Variants in SDK1 observed in about 807,000 individuals in gnomAD.
SDK1 encodes sidekick cell adhesion molecule 1.
A neutral mutation model predicts 245.5 loss-of-function variants in SDK1; 157 were observed. The ratio of observed to expected loss-of-function variants is 0.64; its 90% confidence interval spans 0.56 to 0.73. SDK1 has a LOEUF of 0.73. Among genes scored for constraint, SDK1 ranks in the 30% least tolerant of loss-of-function variants. The probability of loss-of-function intolerance (pLI) is 0.00; values close to 1 mark genes in which losing one functional copy is unlikely to be tolerated. For synonymous variants in SDK1, 1,647 were observed against 1,278.5 expected (o/e 1.29, Z -6.15); for missense variants, 3,583 against 3,002.3 (o/e 1.19, Z -4.52).
chr7:3,313,384 C>A (rs143599318), intron 1 of SDK1, among the ~76,000 whole-genome samples: 91 of 152,046 alleles, frequency 6.0e-4, no homozygotes, highest in African/African-American at 1.9e-3. Context: ...TCCAGCCTGG[C>A]GACGGAGCGA....
At chr7:3,408,138 A>G (rs1022843624) in intron 1 of SDK1, among the ~76,000 whole-genome samples, 1 of 152,124 alleles carries the variant, frequency 6.6e-6, no homozygotes, top group Non-Finnish European at 1.5e-5. Context: ...CCCAGGTTCA[A>G]GCAATTCTTG....
At chr7:3,694,685 A>G (rs1784525701) in intron 4 of SDK1, among the ~76,000 whole-genome samples, 1 of 152,090 alleles carries the variant, frequency 6.6e-6, no homozygotes, top group South Asian at 2.1e-4. Context: ...TGTTCTGGGG[A>G]ACATTTGAAA....
At chr7:3,695,289 A>G (rs915015290) in intron 4 of SDK1, among the ~76,000 whole-genome samples, 11 of 152,246 alleles carry the variant, frequency 7.2e-5, no homozygotes, top group African/African-American at 2.4e-4. Context: ...TGTCATTATA[A>G]TAGGATTTAA....
chr7:3,575,494 C>G (rs1375209098), intron 1 of SDK1, among the ~76,000 whole-genome samples: 4 of 151,932 alleles, frequency 2.6e-5, no homozygotes, highest in Admixed American at 2.6e-4. Flanking sequence ...TTTATTTAAG[C>G]TAAAAGAATG....
chr7:3,791,006 T>G (rs1781064573), intron 4 of SDK1, among the ~76,000 whole-genome samples: 1 of 152,126 alleles, frequency 6.6e-6, no homozygotes, highest in Non-Finnish European at 1.5e-5. Context: ...TTGGGCAAGT[T>G]ACTTAACCTC....
At chr7:3,476,959 G>C (rs1054287381) in intron 1 of SDK1, among the ~76,000 whole-genome samples, 2 of 152,314 alleles carry the variant, frequency 1.3e-5, no homozygotes, top group Admixed American at 6.5e-5. Flanking sequence ...GACTCTGTAG[G>C]CGTGAGGGAA....
chr7:3,354,466 A>T (rs1042315307), intron 1 of SDK1, among the ~76,000 whole-genome samples: 1 of 152,226 alleles, frequency 6.6e-6, no homozygotes, highest in Non-Finnish European at 1.5e-5. Context: ...TGATTATTCG[A>T]GAGTTTTCCG....
At chr7:3,760,911 T>C (rs150467374) in intron 4 of SDK1, among the ~76,000 whole-genome samples, 1 of 152,348 alleles carries the variant, frequency 6.6e-6, no homozygotes, top group Non-Finnish European at 1.5e-5. Flanking sequence ...AAGTATTTCA[T>C]TGTCTGGAAT....
In SDK1 at chr7:3,482,566, A is replaced by G. The variant is rs115130515; in HGVS notation, c.299-136514A>G. On this transcript the variant is annotated intron_variant, in intron 1 of 44. Coordinates refer to ENST00000404826, the MANE Select transcript of SDK1 (RefSeq NM_152744.4). ...CAAGCCTTAACTCACTGGAGTAGCA[A>G]GGAAAGCGCTTCTCTGAGAATTGAT... is the stretch of plus-strand genomic sequence containing the variant. Among the ~76,000 whole-genome samples the G allele has an allele frequency of 3.0e-3, 454 of 152,312 alleles. 1 individual carries two copies. The highest frequency in any genetic ancestry group is 0.01 in the African/African-American group (431 of 41,574).
chr7:3,382,155 G>C (rs1036634093), intron 1 of SDK1, among the ~76,000 whole-genome samples: 1 of 150,008 alleles, frequency 6.7e-6, no homozygotes, highest in Admixed American at 6.6e-5. Context: ...TTTTTGTGTA[G>C]AGACAGGGTC....
rs534264986 is a variant in SDK1, at chr7:3,854,907, T to C, written c.847+33324T>C. ...AACCTACAAAAGATGGGACGAACACTAGAGTTAGGAGACACTGAGAGCAGG... is the reference window on the plus strand; with the variant it reads ...AACCTACAAAAGATGGGACGAACACCAGAGTTAGGAGACACTGAGAGCAGG... On this transcript the variant is annotated intron_variant, in intron 5 of 44. Coordinates refer to ENST00000404826, the MANE Select transcript of SDK1 (RefSeq NM_152744.4). 5.9e-5 allele frequency among the ~76,000 whole-genome samples: 9 copies of C among 152,208 alleles called. No homozygotes were observed. The South Asian group carries it at 1.7e-3, about 28-fold the overall frequency.
intron 13 of SDK1, among the ~76,000 whole-genome samples, chr7:3,978,856 T>C (rs1042198746): frequency 6.6e-6 from 1 of 152,194 alleles, no homozygotes; most frequent in African/African-American, 2.4e-5. Context: ...TCTCCTTGCC[T>C]CTCCACTTCA....
At chr7:3,743,882 T>A (rs1413514770) in intron 4 of SDK1, among the ~76,000 whole-genome samples, 1 of 152,196 alleles carries the variant, frequency 6.6e-6, no homozygotes, top group Non-Finnish European at 1.5e-5. Flanking sequence ...GAATGGATCA[T>A]AAAAGATGTC....
Position 3,951,018 on chromosome 7 carries a change from T to A in SDK1, c.943T>A (p.Cys315Ser). 6.2e-7 allele frequency: 1 copy of A among 1,613,390 alleles called. No individual in the cohort carries two copies. The highest frequency in any genetic ancestry group is 8.5e-7 in the Non-Finnish European group (1 of 1,179,378). Residue 315 changes from cysteine to serine, a missense_variant, in exon 6 of 45, where the codon TGT becomes AGT. Transcript: ENST00000404826. ...VAGSSETTLECIASARPVEDL... is the reference protein window; with the variant it reads ...VAGSSETTLESIASARPVEDL... ...TGGATCCAGTGAGACCACCTTGGAA[T>A]GTATAGCCAGTGCCAGGTACGAGGC...
At chr7:3,891,480 G>A (rs1583518755) in intron 5 of SDK1, among the ~76,000 whole-genome samples, 1 of 152,178 alleles carries the variant, frequency 6.6e-6, no homozygotes, top group South Asian at 2.1e-4. Flanking sequence ...CACGGTCTAT[G>A]TTAATCCAGC....
intron 1 of SDK1, among the ~76,000 whole-genome samples, chr7:3,599,280 A>G (rs1015764143): frequency 6.6e-6 from 1 of 151,802 alleles, no homozygotes; most frequent in Non-Finnish European, 1.5e-5. Flanking sequence ...CTTTAGTGAA[A>G]TGTCTGTTTA....
intron 2 of SDK1, among the ~76,000 whole-genome samples, chr7:3,619,939 G>A (rs776667784): frequency 6.6e-6 from 1 of 152,184 alleles, no homozygotes; most frequent in Non-Finnish European, 1.5e-5. Context: ...ACGCTTCAGA[G>A]CTTTCCAGGG....
chr7:4,242,647 C>T (rs906544835), intron 43 of SDK1, among the ~76,000 whole-genome samples: 1 of 152,138 alleles, frequency 6.6e-6, no homozygotes, highest in Non-Finnish European at 1.5e-5. Flanking sequence ...CCGGGCTTTC[C>T]CAGGGTGCCC....
intron 2 of SDK1, among the ~76,000 whole-genome samples, chr7:3,625,345 C>T (rs1431007023): frequency 6.6e-6 from 1 of 152,160 alleles, no homozygotes; most frequent in Admixed American, 6.5e-5. Context: ...TTTGCTTAAT[C>T]TTATAAGTTA....
Sources: gnomAD v4.1 joint callset for allele counts (sites outside exome capture counted in the v4.1 genomes callset) on GRCh38, gnomAD v4.1.1 for gene constraint, MANE v1.5 for transcripts, NCBI Gene and HGNC (gene_info 2026-07-23, HGNC 2026-07-21) for gene names.